The following CPT1A variants were observed in gnomAD, a reference collection of about 807,000 sequenced individuals.
The protein encoded by CPT1A is carnitine O-palmitoyltransferase 1, liver isoform.
CPT1A carries 64 observed loss-of-function variants against 100.8 expected under a neutral mutation model. The observed-to-expected ratio is 0.63, with a 90% CI of 0.52 to 0.78. The LOEUF (loss-of-function observed/expected upper bound fraction) is 0.78. CPT1A is among the 30% of genes least tolerant of loss of function. CPT1A has a pLI of 0.00. For synonymous variants in CPT1A, 363 were observed against 396.0 expected (o/e 0.92, Z 0.99); for missense variants, 802 against 1,034.1 (o/e 0.78, Z 3.08).
At position 68,824,114 on chromosome 11, in the gene CPT1A, G is replaced by A. The variant is rs146498287; in HGVS notation, c.-13-8627C>T. Among the ~76,000 whole-genome samples, 393 of 152,024 alleles carry A rather than the reference G, an allele frequency of 2.6e-3. 4 individuals carry two copies. Among genetic ancestry groups the A allele is most frequent in the African/African-American group, 9.0e-3 (373 of 41,484 alleles). On this transcript the variant is annotated intron_variant, in intron 1 of 18. Transcript: ENST00000265641. ...ATACCAAAAATTAGCCAGGCGCGGT[G>A]GCAGACGCCTGTAATCCCAGCTACT...
intron 3 of CPT1A, among the ~76,000 whole-genome samples, chr11:68,809,995 C>G (rs563446513): frequency 6.6e-6 from 1 of 152,076 alleles, no homozygotes. Flanking sequence ...CTGGCCAACA[C>G]GGCGAAACCC....
upstream of CPT1A, among the ~76,000 whole-genome samples, chr11:68,843,772 G>A (rs906263251): frequency 1.3e-5 from 2 of 152,248 alleles, no homozygotes; most frequent in Admixed American, 6.5e-5. The surrounding 1 kb of genome is among the most constrained non-coding windows in gnomAD (Gnocchi z 4.0). Flanking sequence ...AGTGGGCTGG[G>A]CCAGGGCACA....
At chr11:68,819,168 TC>T (rs1317140171) in intron 1 of CPT1A, among the ~76,000 whole-genome samples, 2 of 152,010 alleles carry the variant, frequency 1.3e-5, no homozygotes, top group African/African-American at 4.8e-5. Flanking sequence ...AACTTCCACC[TC>T]CCGGGTTCAA....
intron 12 of CPT1A, among the ~76,000 whole-genome samples, chr11:68,778,421 T>C (rs1470118168): frequency 6.6e-6 from 1 of 151,916 alleles, no homozygotes; most frequent in Admixed American, 6.6e-5. Context: ...GGGGGAAAAA[T>C]AGACAGACAC....
intron 8 of CPT1A, 49 bp downstream of exon 8, chr11:68,794,755 C>T: frequency 3.5e-6 from 5 of 1,431,000 alleles, no homozygotes; most frequent in Non-Finnish European, 3.9e-6. Flanking sequence ...AATTATACCT[C>T]TGTAAAGCTG....
chr11:68,817,486 G>A (rs980975725), intron 1 of CPT1A, among the ~76,000 whole-genome samples: 4 of 152,128 alleles, frequency 2.6e-5, no homozygotes, highest in African/African-American at 7.2e-5. Flanking sequence ...AGCTTAGACC[G>A]GGCTAACAAG....
At chr11:68,828,906 G>GT (rs1856812122) in intron 1 of CPT1A, among the ~76,000 whole-genome samples, 1 of 152,132 alleles carries the variant, frequency 6.6e-6, no homozygotes, top group Non-Finnish European at 1.5e-5. Context: ...GCTGCCTTGG[G>GT]CCCCTCTGGC....
rs1403292636 is a variant in CPT1A, at chr11:68,776,533, A to AGTTC, written c.1459-1102_1459-1101insGAAC. Among the ~76,000 whole-genome samples, 9 of 152,340 alleles carry AGTTC rather than the reference A, an allele frequency of 5.9e-5. No individual in the cohort carries two copies. The East Asian group carries it at 1.5e-3, about 26-fold the overall frequency. ...ACACACAGAAAGATTAGTGGTCATC[A>AGTTC]GGAACCTGGGGGAGAAAGGAATGAG... On this transcript the variant is annotated intron_variant, in intron 12 of 18. Coordinates refer to ENST00000265641, the MANE Select transcript of CPT1A (RefSeq NM_001876.4).
At chr11:68,768,625 C>T (rs898922219) in intron 14 of CPT1A, among the ~76,000 whole-genome samples, 4 of 151,946 alleles carry the variant, frequency 2.6e-5, no homozygotes, top group Non-Finnish European at 5.9e-5. Context: ...AGGCTGGTCT[C>T]GAACTCCTGA....
chr11:68,842,070 G>T, upstream of CPT1A: 1 of 638,608 alleles, frequency 1.6e-6, no homozygotes, highest in Non-Finnish European at 1.9e-6. Context: ...ACCTCTGCCG[G>T]AATGGGGTCT....
intron 11 of CPT1A, among the ~76,000 whole-genome samples, chr11:68,781,468 A>G (rs1401936656): frequency 6.6e-6 from 1 of 152,038 alleles, no homozygotes. Flanking sequence ...AAAAATACAA[A>G]AATTAGCCAG....
intron 14 of CPT1A, among the ~76,000 whole-genome samples, chr11:68,771,235 A>G (rs1296000172): frequency 6.6e-6 from 1 of 152,194 alleles, no homozygotes; most frequent in African/African-American, 2.4e-5. Context: ...ACCAATTTGT[A>G]CTGCTTGCAG....
chr11:68,830,665 C>T (rs925540378), intron 1 of CPT1A, among the ~76,000 whole-genome samples: 1 of 152,210 alleles, frequency 6.6e-6, no homozygotes, highest in African/African-American at 2.4e-5. Flanking sequence ...ACCTGCCCCT[C>T]CGCCAGGCCC....
At chr11:68,827,916 T>C (rs555628992) in intron 1 of CPT1A, among the ~76,000 whole-genome samples, 4 of 152,190 alleles carry the variant, frequency 2.6e-5, no homozygotes, top group African/African-American at 7.2e-5. Context: ...ACCCCCCTGC[T>C]GGCAGGAACC....
At chr11:68,828,055 A>C (rs1280310232) in intron 1 of CPT1A, among the ~76,000 whole-genome samples, 1 of 152,168 alleles carries the variant, frequency 6.6e-6, no homozygotes, top group Non-Finnish European at 1.5e-5. Flanking sequence ...GTAGAAAAAG[A>C]GCATAGTGTT....
At position 68,755,599 on chromosome 11, in the gene CPT1A, C is replaced by CG. The variant is rs1031037344; in HGVS notation, c.*2044dup. On this transcript the variant is annotated 3_prime_UTR_variant, in exon 19 of 19. Transcript: ENST00000265641. ...TCATTTTTTGAATTTTTAGTAGAGA[C>CG]GGGGTTTCACCGTGTTAGCCAGGAT... The CG allele has an allele frequency of 6.6e-6, 1 of 150,938 alleles. No homozygotes were observed. Among genetic ancestry groups the CG allele is most frequent in the South Asian group, 2.1e-4 (1 of 4,762 alleles). The allele number at this position is 150,938 out of a possible 1,614,324, so 9.3% of individuals were successfully genotyped here.
At position 68,832,176 on chromosome 11, in the gene CPT1A, C is replaced by T. The variant is rs146291811; in HGVS notation, c.-14+9599G>A. On this transcript the variant is annotated intron_variant, in intron 1 of 18. Transcript: ENST00000265641. ...ATCAAACCCAGGCCCAGGCCAGGTG[C>T]GGTGGCTCACGCCTCTAATCCCAGC... is the stretch of plus-strand genomic sequence containing the variant. Among the ~76,000 whole-genome samples the T allele has an allele frequency of 8.1e-3, 1,228 of 152,226 alleles. 16 individuals carry two copies. The highest frequency in any genetic ancestry group is 0.028 in the African/African-American group (1,164 of 41,552).
At chr11:68,826,733 C>CAAA (rs5792453) in intron 1 of CPT1A, among the ~76,000 whole-genome samples, 5 of 142,436 alleles carry the variant, frequency 3.5e-5, no homozygotes, top group South Asian at 2.2e-4. Context: ...GACTCCCTGT[C>CAAA]AAAAAAAAAA....
intron 14 of CPT1A, among the ~76,000 whole-genome samples, chr11:68,763,750 T>C (rs1854705173): frequency 6.6e-6 from 1 of 152,044 alleles, no homozygotes; most frequent in African/African-American, 2.4e-5. Context: ...GGAAACATGG[T>C]GCCTGGCCCA....
Sources: gnomAD v4.1 joint callset for allele counts (sites outside exome capture counted in the v4.1 genomes callset) on GRCh38, gnomAD v4.1.1 for gene constraint, Gnocchi (gnomAD v3.1) non-coding constraint, MANE v1.5 for transcripts, NCBI Gene and HGNC (gene_info 2026-07-23, HGNC 2026-07-21) for gene names.